The following INPP4B variants were observed in gnomAD, a reference collection of about 807,000 sequenced individuals.
INPP4B encodes inositol polyphosphate 4-phosphatase type II.
INPP4B carries 55 observed loss-of-function variants against 122.5 expected under a neutral mutation model. That is an observed-to-expected ratio of 0.45 (90% CI 0.36 to 0.56). The LOEUF is 0.56. Ranked by LOEUF, INPP4B falls within the 20% of genes least tolerant of loss-of-function variation. The pLI, the probability that INPP4B is intolerant of heterozygous loss-of-function variation, is 0.00. For synonymous variants in INPP4B, 403 were observed against 388.7 expected (o/e 1.04, Z -0.43); for missense variants, 1,000 against 1,097.7 (o/e 0.91, Z 1.26).
At chr4:142,812,202 A>G (rs1187395060) in intron 1 of INPP4B, among the ~76,000 whole-genome samples, 1 of 152,092 alleles carries the variant, frequency 6.6e-6, no homozygotes, top group Non-Finnish European at 1.5e-5. Context: ...CCAGGAAATG[A>G]TATATATCTA....
At chr4:142,599,757 T>C (rs2150290469) in intron 2 of INPP4B, among the ~76,000 whole-genome samples, 1 of 151,716 alleles carries the variant, frequency 6.6e-6, no homozygotes, top group East Asian at 1.9e-4. Flanking sequence ...AGATAAAAAA[T>C]TGTGAAAAAT....
chr4:142,232,833 T>C (rs577547787), intron 12 of INPP4B, among the ~76,000 whole-genome samples: 1 of 152,248 alleles, frequency 6.6e-6, no homozygotes, highest in South Asian at 2.1e-4. Context: ...AACAGCCTTA[T>C]TGCTGATGTG....
At chr4:142,453,204 C>T (rs1814687766) in intron 3 of INPP4B, among the ~76,000 whole-genome samples, 1 of 152,102 alleles carries the variant, frequency 6.6e-6, no homozygotes, top group African/African-American at 2.4e-5. Context: ...GAAATGTGGC[C>T]TCAGCACTGT....
chr4:142,197,034 G>A (rs1446362659), intron 14 of INPP4B, among the ~76,000 whole-genome samples: 3 of 138,782 alleles, frequency 2.2e-5, no homozygotes, highest in African/African-American at 8.0e-5. Context: ...GCTGAGGCAG[G>A]AGAATCGCAT....
At chr4:142,155,290 C>A (rs1816602021) in intron 17 of INPP4B, among the ~76,000 whole-genome samples, 1 of 152,060 alleles carries the variant, frequency 6.6e-6, no homozygotes, top group Admixed American at 6.6e-5. Flanking sequence ...TGAACAAAAT[C>A]TTTTGAATAT....
chr4:142,831,783 T>C (rs1057203443), intron 1 of INPP4B, among the ~76,000 whole-genome samples: 2 of 152,198 alleles, frequency 1.3e-5, no homozygotes, highest in Non-Finnish European at 2.9e-5. Context: ...AGTCCTCCAT[T>C]AAGAGATAGA....
intron 12 of INPP4B, among the ~76,000 whole-genome samples, chr4:142,233,104 A>G (rs533192663): frequency 2.8e-4 from 42 of 152,336 alleles, no homozygotes; most frequent in African/African-American, 1.0e-3. Context: ...CAGAAGATCT[A>G]GCTGAGATCA....
At chr4:142,057,531 G>A (rs967611145) in intron 25 of INPP4B, among the ~76,000 whole-genome samples, 3 of 152,094 alleles carry the variant, frequency 2.0e-5, no homozygotes, top group African/African-American at 7.2e-5. Context: ...TAAGAGGTCA[G>A]CTGGTATTGG....
chr4:142,737,868 T>A (rs952574055), intron 1 of INPP4B, among the ~76,000 whole-genome samples: 2 of 152,190 alleles, frequency 1.3e-5, no homozygotes, highest in African/African-American at 4.8e-5. Flanking sequence ...ATGCTCATCA[T>A]CACTGGCCAT....
At chr4:142,110,998 G>T (rs953655968) in intron 22 of INPP4B, among the ~76,000 whole-genome samples, 10 of 152,030 alleles carry the variant, frequency 6.6e-5, no homozygotes, top group African/African-American at 2.4e-4. Flanking sequence ...CTGTTCCCCT[G>T]CTCCAAGTTG....
chr4:142,719,874 C>T (rs13140998), intron 2 of INPP4B, among the ~76,000 whole-genome samples: 4,054 of 152,150 alleles, frequency 0.027, 62 homozygotes, highest in South Asian at 0.05. Flanking sequence ...ATAGAATTTA[C>T]TAAGTAAAAA....
chr4:142,653,139 A>G (rs1398339440), intron 2 of INPP4B, among the ~76,000 whole-genome samples: 1 of 152,246 alleles, frequency 6.6e-6, no homozygotes, highest in East Asian at 1.9e-4. Flanking sequence ...TCCCCTATTA[A>G]TAAATGGTGC....
intron 18 of INPP4B, among the ~76,000 whole-genome samples, chr4:142,145,448 A>G (rs1454437091): frequency 6.6e-6 from 1 of 152,178 alleles, no homozygotes; most frequent in Non-Finnish European, 1.5e-5. Flanking sequence ...ACATTCTGTT[A>G]AGAAACCACT....
chr4:142,689,846 T>G (rs1759909481), intron 2 of INPP4B, among the ~76,000 whole-genome samples: 1 of 152,220 alleles, frequency 6.6e-6, no homozygotes, highest in South Asian at 2.1e-4. Flanking sequence ...AAATGAGATT[T>G]ATTTTCCCCT....
intron 3 of INPP4B, among the ~76,000 whole-genome samples, chr4:142,432,577 C>T (rs1009243953): frequency 2.0e-4 from 30 of 152,006 alleles, no homozygotes; most frequent in Non-Finnish European, 1.0e-4. Context: ...GCTTGAACAG[C>T]GATCATGCTT....
chr4:142,143,157 A>G (rs1808741674), intron 18 of INPP4B, among the ~76,000 whole-genome samples: 1 of 152,130 alleles, frequency 6.6e-6, no homozygotes, highest in African/African-American at 2.4e-5. Context: ...TTTTTTACTA[A>G]CTGAACCCAT....
chr4:142,249,252 T>A (rs1374881291), intron 11 of INPP4B, among the ~76,000 whole-genome samples: 1 of 152,022 alleles, frequency 6.6e-6, no homozygotes, highest in Non-Finnish European at 1.5e-5. Context: ...GGAAACTCAC[T>A]CTAAATGGGA....
chr4:142,394,239 G>A (rs1318312565), intron 7 of INPP4B, among the ~76,000 whole-genome samples: 5 of 152,114 alleles, frequency 3.3e-5, no homozygotes, highest in Admixed American at 6.5e-5. Flanking sequence ...TCCGCCTCCT[G>A]AGTTCATGCC....
chr4:142,580,345 G>A (rs1734808559), intron 2 of INPP4B, among the ~76,000 whole-genome samples: 1 of 151,920 alleles, frequency 6.6e-6, no homozygotes, highest in Non-Finnish European at 1.5e-5. Context: ...CTGTCACATT[G>A]TGCTCAGCAA....
Sources: gnomAD v4.1 joint callset for allele counts (sites outside exome capture counted in the v4.1 genomes callset) on GRCh38, gnomAD v4.1.1 for gene constraint, MANE v1.5 for transcripts, NCBI Gene and HGNC (gene_info 2026-07-23, HGNC 2026-07-21) for gene names.